TET2: variants seen among roughly 807,000 people sequenced by gnomAD.
TET2 encodes the protein methylcytosine dioxygenase TET2.
Under a neutral mutation model 142.9 loss-of-function variants are expected in TET2, and 299 were observed. The observed-to-expected ratio is 2.09, with a 90% CI of 1.90 to 2.30. The LOEUF is 2.30. Ranked by LOEUF, TET2 falls within the 30% of genes most tolerant of loss-of-function variation. TET2 has a pLI of 0.00. For missense variants in TET2, 2,418 were observed against 2,378.0 expected, an observed-to-expected ratio of 1.02 and a Z score of -0.35; for synonymous variants, 819 against 849.0, an observed-to-expected ratio of 0.96 and a Z score of 0.61.
Position 105,234,242 on chromosome 4 carries a change from AC to A in TET2, c.302del (p.Pro101LeufsTer12). 6.2e-7 allele frequency: 1 copy of A among 1,614,144 alleles called. No homozygotes were observed. The highest frequency in any genetic ancestry group is 8.5e-7 in the Non-Finnish European group (1 of 1,180,020). On this transcript the variant is annotated frameshift_variant, in exon 3 of 11. Coordinates refer to ENST00000380013, the MANE Select transcript of TET2 (RefSeq NM_001127208.3). LOFTEE classifies it high-confidence loss of function. Reference protein sequence around the residue: ...NGGIKRTVSEPSLSGLLQIKK... With the variant: ...NGGIKRTVSEXSLSGLLQIKK... ...GAGGAATAAAACGCACAGTTAGTGAACCTTCTCTCTCTGGGCTCCTTCAGAT... is the reference window on the plus strand; with the variant it reads ...GAGGAATAAAACGCACAGTTAGTGAACTTCTCTCTCTGGGCTCCTTCAGAT...
chr4:105,223,450 A>G (rs1394227494), intron 2 of TET2, among the ~76,000 whole-genome samples: 1 of 152,162 alleles, frequency 6.6e-6, no homozygotes, highest in African/African-American at 2.4e-5. Flanking sequence ...CTTTACCTCA[A>G]GAGTGAGACT....
chr4:105,236,667 C>T lies in TET2; in HGVS notation c.2725C>T (p.Gln909Ter), dbSNP rs754287180. 5 of 1,613,940 alleles carry T rather than the reference C, an allele frequency of 3.1e-6. No individual in the cohort carries two copies. Among genetic ancestry groups the T allele is most frequent in the South Asian group, 1.1e-5 (1 of 91,074 alleles). ...AAATAGAAACCAAGATATGTCTGGT[C>T]AACAAGCTGCGCAACTTGCTCAGCA... ...YKNRNQDMSG[Q>*]QAAQLAQQRY... The change falls in exon 3 of 11, where the codon CAA (glutamine) becomes TAA (stop). Residue 909 changes from glutamine to a stop codon, truncating the protein, a stop_gained. Coordinates refer to ENST00000380013, the MANE Select transcript of TET2 (RefSeq NM_001127208.3). LOFTEE classifies it high-confidence loss of function.
intron 2 of TET2, among the ~76,000 whole-genome samples, chr4:105,206,184 C>T (rs756080992): frequency 1.2e-4 from 18 of 152,178 alleles, no homozygotes; most frequent in Non-Finnish European, 1.6e-4. Context: ...TCATGAGTGA[C>T]GCCAGGGTCC....
intron 2 of TET2, among the ~76,000 whole-genome samples, chr4:105,203,976 A>G (rs1199140476): frequency 6.6e-6 from 1 of 151,954 alleles, no homozygotes; most frequent in Non-Finnish European, 1.5e-5. Context: ...CAAGGCGGGT[A>G]GATTACCTGA....
intron 1 of TET2, among the ~76,000 whole-genome samples, chr4:105,182,945 A>G (rs1433787784): frequency 1.3e-5 from 2 of 152,238 alleles, no homozygotes; most frequent in Non-Finnish European, 2.9e-5. Flanking sequence ...AATTTATGAC[A>G]TAAGTGATTT....
rs1472426057 is a variant in TET2 at position 105,235,653 on chromosome 4, C to T, written c.1711C>T (p.Arg571Cys). ...KPGWIELKAPRFHQAESHLKR... is the reference protein window; with the variant it reads ...KPGWIELKAPCFHQAESHLKR... ...AGGATGGATTGAATTGAAGGCCCCT[C>T]GTTTTCACCAAGCGGAATCCCATCT... Residue 571 changes from arginine (R) to cysteine (C), a missense_variant, in exon 3 of 11, where the codon CGT (arginine) becomes TGT (cysteine). Transcript: ENST00000380013. The T allele has an allele frequency of 3.7e-6, 6 of 1,614,040 alleles. No individual in the cohort carries two copies. The highest frequency in any genetic ancestry group is 3.3e-5 in the Admixed American group (2 of 60,000).
At chr4:105,190,658 T>G (rs1474479595) in intron 2 of TET2, 153 bp downstream of exon 2, 2 of 554,964 alleles carry the variant, frequency 3.6e-6, no homozygotes, top group Non-Finnish European at 6.4e-6. Flanking sequence ...ATGGATTAGA[T>G]TGTTAAGATT....
intron 1 of TET2, among the ~76,000 whole-genome samples, chr4:105,163,667 C>T (rs148879193): frequency 1.1e-4 from 17 of 152,248 alleles, no homozygotes; most frequent in African/African-American, 4.1e-4. Context: ...TAAATAACTT[C>T]CCTATAAATT....
Position 105,275,105 on chromosome 4 carries a change from A to C in TET2, c.4595A>C (p.Gln1532Pro). The C allele has an allele frequency of 1.3e-6, 2 of 1,551,114 alleles. No individual in the cohort carries two copies. Among genetic ancestry groups the C allele is most frequent in the Non-Finnish European group, 1.7e-6 (2 of 1,146,702 alleles). Residue 1532 changes from glutamine to proline, a missense_variant, in exon 11 of 11, where the codon CAG becomes CCG. Gln to Pro is a moderately conservative substitution (Grantham distance 76). Transcript: ENST00000380013. The part of the protein sequence containing the change: ...MQQSQQPQPL[Q>P]KQPPQPQQQQ... ...CAGTCCCAGCAGCCCCAGCCTCTAC[A>C]GAAGCAGCCACCACAGCCCCAGCAG... is the stretch of plus-strand genomic sequence containing the variant.
At chr4:105,196,380 A>T (rs540816299) in intron 2 of TET2, among the ~76,000 whole-genome samples, 2 of 152,042 alleles carry the variant, frequency 1.3e-5, no homozygotes, top group Non-Finnish European at 2.9e-5. Flanking sequence ...AATAGATGTG[A>T]TGTAGAATTC....
Position 105,275,487 on chromosome 4 carries a change from T to A in TET2, c.4977T>A (p.Tyr1659Ter). Residue 1659 changes from tyrosine (Y) to a stop codon, truncating the protein, a stop_gained, in exon 11 of 11, where the codon TAT (tyrosine) becomes TAA (stop). Coordinates refer to ENST00000380013, the MANE Select transcript of TET2 (RefSeq NM_001127208.3). LOFTEE classifies it low-confidence loss of function (END_TRUNC). ...CCCAGTCTCAGCCGATGGATCTGTA[T>A]AGGTATCCAAGCCAAGACCCTCTGT... ...YSPQSQPMDL[Y>*]RYPSQDPLSK... The A allele has an allele frequency of 6.4e-7, 1 of 1,551,714 alleles. No individual in the cohort carries two copies. The highest frequency in any genetic ancestry group is 8.7e-7 in the Non-Finnish European group (1 of 1,146,970).
chr4:105,237,248 T>A lies in TET2; in HGVS notation c.3306T>A (p.Asn1102Lys). 1.2e-6 allele frequency: 2 copies of A among 1,614,126 alleles called. No individual in the cohort carries two copies. Among genetic ancestry groups the A allele is most frequent in the Non-Finnish European group, 1.7e-6 (2 of 1,179,990 alleles). Residue 1102 changes from asparagine to lysine, a missense_variant, in exon 3 of 11, where the codon AAT becomes AAA. Physicochemically the swap from Asn to Lys is moderately conservative, Grantham distance 94. Coordinates refer to ENST00000380013, the MANE Select transcript of TET2 (RefSeq NM_001127208.3). ...AAAGAACAGCTGCTTCTGTTCTCAA[T>A]AATTTTATAGAGTCACCTTCCAAAT... ...PTKRTAASVLNNFIESPSKLL... is the reference protein window; with the variant it reads ...PTKRTAASVLKNFIESPSKLL...
intron 1 of TET2, among the ~76,000 whole-genome samples, chr4:105,157,483 A>C (rs1723625703): frequency 6.6e-6 from 1 of 152,182 alleles, no homozygotes; most frequent in Non-Finnish European, 1.5e-5. Flanking sequence ...AATTTAAAAC[A>C]AGGTTGTATT....
rs1278572424 is a variant in TET2 at position 105,235,693 on chromosome 4, CA to C, written c.1752del (p.Ser585HisfsTer16). The C allele has an allele frequency of 6.2e-7, 1 of 1,614,026 alleles. No homozygotes were observed. Among genetic ancestry groups the C allele is most frequent in the Non-Finnish European group, 8.5e-7 (1 of 1,180,008 alleles). ...QAESHLKRNE[A>X]SLPSILQYQP... ...GAATCCCATCTAAAACGTAATGAGG[CA>C]TCACTGCCATCAATTCTTCAGTATC... On this transcript the variant is annotated frameshift_variant, in exon 3 of 11. Transcript: ENST00000380013. LOFTEE classifies it high-confidence loss of function.
Position 105,237,023 on chromosome 4 carries a change from C to G in TET2, c.3081C>G (p.Thr1027=). 6.2e-7 allele frequency: 1 copy of G among 1,614,096 alleles called. No homozygotes were observed. Residue 1027 remains threonine (T), a synonymous_variant, in exon 3 of 11, where the codon ACC becomes ACG. Coordinates refer to ENST00000380013, the MANE Select transcript of TET2 (RefSeq NM_001127208.3). ...TGCAGCAAAAGAGCATCATTGAGAC[C>G]ATGGAGCAGCATCTGAAGCAGTTTC... is the stretch of plus-strand genomic sequence containing the variant. The part of the protein sequence containing the change: ...DNVQQKSIIE[T]MEQHLKQFHA...
At chr4:105,258,641 T>C (rs922082215) in intron 6 of TET2, among the ~76,000 whole-genome samples, 5 of 152,190 alleles carry the variant, frequency 3.3e-5, no homozygotes, top group African/African-American at 1.2e-4. Flanking sequence ...TATTCATAGT[T>C]GACAGAGTAT....
intron 4 of TET2, chr4:105,242,360 A>G (rs1297128220): frequency 2.0e-5 from 22 of 1,079,292 alleles, no homozygotes; most frequent in Non-Finnish European, 2.4e-5. Flanking sequence ...GGACTATTCC[A>G]TATTTTCCAT....
intron 1 of TET2, chr4:105,172,523 CA>C (rs1724532433): frequency 6.6e-6 from 1 of 152,064 alleles, no homozygotes. Flanking sequence ...CTTGCTGTTC[CA>C]GGGGTGGCAG....
At chr4:105,154,527 A>G (rs1578529156) in intron 1 of TET2, among the ~76,000 whole-genome samples, 1 of 152,316 alleles carries the variant, frequency 6.6e-6, no homozygotes, top group East Asian at 1.9e-4. Context: ...ACATCCTCTT[A>G]TAGATGAGAA....
Sources: allele counts gnomAD v4.1 joint callset (sites outside exome capture counted in the v4.1 genomes callset), GRCh38; gene constraint gnomAD v4.1.1; transcripts MANE v1.5; gene names NCBI Gene and HGNC (gene_info 2026-07-23, HGNC 2026-07-21).